Variants in ZNF423 observed in about 807,000 individuals in gnomAD.
The protein encoded by ZNF423 is zinc finger protein 423.
ZNF423 carries 12 observed loss-of-function variants against 95.8 expected under a neutral mutation model. The ratio of observed to expected loss-of-function variants is 0.13; its 90% confidence interval spans 0.08 to 0.20. The LOEUF (loss-of-function observed/expected upper bound fraction) is 0.20. Among genes scored for constraint, ZNF423 ranks in the 10% least tolerant of loss-of-function variants. The pLI is 1.00. For synonymous variants in ZNF423, 749 were observed against 711.9 expected, an observed-to-expected ratio of 1.05 and a Z score of -0.83; for missense variants, 1,316 against 1,737.1, an observed-to-expected ratio of 0.76 and a Z score of 4.31.
intron 7 of ZNF423, among the ~76,000 whole-genome samples, chr16:49,498,903 CGA>C (rs1967270096): frequency 1.3e-5 from 2 of 152,152 alleles, no homozygotes; most frequent in Non-Finnish European, 1.5e-5. Context: ...TAAGCATACT[CGA>C]GAGCACACCA....
At chr16:49,700,330 A>C (rs1248100418) in intron 3 of ZNF423, among the ~76,000 whole-genome samples, 1 of 152,070 alleles carries the variant, frequency 6.6e-6, no homozygotes, top group Non-Finnish European at 1.5e-5. Context: ...TCAAATCAGC[A>C]CCACAGGGCT....
At chr16:49,728,603 A>G (rs1273536446) in intron 3 of ZNF423, among the ~76,000 whole-genome samples, 1 of 152,180 alleles carries the variant, frequency 6.6e-6, no homozygotes, top group African/African-American at 2.4e-5. Flanking sequence ...TGCCACTGGG[A>G]GGAGGATTCT....
At chr16:49,744,652 C>A (rs924170040) in intron 2 of ZNF423, among the ~76,000 whole-genome samples, 5 of 152,160 alleles carry the variant, frequency 3.3e-5, no homozygotes, top group African/African-American at 1.2e-4. Flanking sequence ...GCCTAGGACC[C>A]CTGGATTCAC....
intron 5 of ZNF423, among the ~76,000 whole-genome samples, chr16:49,576,974 A>G (rs1479696264): frequency 6.6e-6 from 1 of 152,250 alleles, no homozygotes; most frequent in African/African-American, 2.4e-5. Flanking sequence ...GAGGGCACAG[A>G]TGAGAAGACA....
chr16:49,801,047 A>G (rs1298054700), intron 1 of ZNF423, among the ~76,000 whole-genome samples: 1 of 152,268 alleles, frequency 6.6e-6, no homozygotes, highest in African/African-American at 2.4e-5. Context: ...TGAAGACAAC[A>G]TCGCAAAGGC....
At chr16:49,768,709 T>A (rs997676901) in intron 2 of ZNF423, among the ~76,000 whole-genome samples, 1 of 152,088 alleles carries the variant, frequency 6.6e-6, no homozygotes, top group Non-Finnish European at 1.5e-5. Flanking sequence ...GCCCTAGACC[T>A]CAGCTCCTCT....
intron 5 of ZNF423, among the ~76,000 whole-genome samples, chr16:49,597,252 C>G (rs541459402): frequency 5.9e-4 from 90 of 152,272 alleles, no homozygotes; most frequent in South Asian, 1.2e-3. Context: ...CCAGTGGGAA[C>G]CTGGGGGAGG....
chr16:49,518,846 G>T (rs574745391), intron 7 of ZNF423, among the ~76,000 whole-genome samples: 2 of 152,314 alleles, frequency 1.3e-5, no homozygotes, highest in South Asian at 4.1e-4. Flanking sequence ...CTTGAGCCCA[G>T]GAGTTTGAGA....
chr16:49,775,776 G>A (rs561726717), intron 2 of ZNF423, among the ~76,000 whole-genome samples: 2 of 152,126 alleles, frequency 1.3e-5, no homozygotes, highest in Admixed American at 6.5e-5. Context: ...GCACACAGAC[G>A]CCTGACAATA....
chr16:49,833,885 T>C (rs2035088330), intron 1 of ZNF423, among the ~76,000 whole-genome samples: 1 of 152,258 alleles, frequency 6.6e-6, no homozygotes, highest in East Asian at 1.9e-4. Flanking sequence ...CGCTCCTGGA[T>C]CCTGGCTCTT....
intron 5 of ZNF423, among the ~76,000 whole-genome samples, chr16:49,591,969 C>A (rs1279967317): frequency 1.3e-5 from 2 of 152,184 alleles, no homozygotes; most frequent in African/African-American, 2.4e-5. Context: ...GTAGTGCTTA[C>A]CTGGGTTTGG....
At chr16:49,532,095 A>C (rs2151721903) in intron 5 of ZNF423, among the ~76,000 whole-genome samples, 1 of 152,356 alleles carries the variant, frequency 6.6e-6, no homozygotes, top group Non-Finnish European at 1.5e-5. Flanking sequence ...ATCTCTTAAA[A>C]GGCAGGAAGT....
chr16:49,514,211 CATGCACACGCACATGCGT>C (rs1968031385), intron 7 of ZNF423, among the ~76,000 whole-genome samples: 1 of 62,782 alleles, frequency 1.6e-5, no homozygotes, highest in African/African-American at 6.4e-5. Flanking sequence ...CACACACACA[CATGCACACGCACATGCGT>C]ACACACACAC....
chr16:49,518,004 T>TA (rs1422984698), intron 7 of ZNF423: 5 of 451,592 alleles, frequency 1.1e-5, no homozygotes, highest in African/African-American at 1.0e-4. Context: ...TACCGTAAGC[T>TA]AAAATCCATC....
At chr16:49,530,287 G>A (rs921314688) in intron 5 of ZNF423, among the ~76,000 whole-genome samples, 12 of 152,052 alleles carry the variant, frequency 7.9e-5, no homozygotes, top group Admixed American at 7.9e-4. Flanking sequence ...TCTGCCTAAA[G>A]GACACCTCCT....
At chr16:49,697,015 G>T (rs2032000553) in intron 3 of ZNF423, among the ~76,000 whole-genome samples, 1 of 152,196 alleles carries the variant, frequency 6.6e-6, no homozygotes, top group Non-Finnish European at 1.5e-5. Context: ...ATCGCCGGAG[G>T]GTTGACGCAG....
chr16:49,771,425 G>A (rs896133552), intron 2 of ZNF423, among the ~76,000 whole-genome samples: 6 of 151,984 alleles, frequency 3.9e-5, no homozygotes, highest in African/African-American at 1.4e-4. Flanking sequence ...GGCTGGTCTT[G>A]AACTCCTGAC....
chr16:49,729,585 G>A (rs1157249947), intron 3 of ZNF423, among the ~76,000 whole-genome samples: 2 of 151,252 alleles, frequency 1.3e-5, no homozygotes, highest in East Asian at 1.9e-4. Context: ...CAAATGACTG[G>A]GGTTTGGATT....
upstream of ZNF423, among the ~76,000 whole-genome samples, chr16:49,857,120 G>A (rs1336622523): frequency 6.6e-6 from 1 of 150,536 alleles, no homozygotes; most frequent in South Asian, 2.1e-4. The surrounding 1 kb of genome is among the most constrained non-coding windows in gnomAD (Gnocchi z 6.2). Context: ...GCCAGGCTTG[G>A]CTGGAAATGT....
Sources: gnomAD v4.1 joint callset for allele counts (sites outside exome capture counted in the v4.1 genomes callset) on GRCh38, gnomAD v4.1.1 for gene constraint, Gnocchi (gnomAD v3.1) non-coding constraint, MANE v1.5 for transcripts, NCBI Gene and HGNC (gene_info 2026-07-23, HGNC 2026-07-21) for gene names.